Variants in ZDHHC13 observed in about 807,000 individuals in gnomAD.
The protein encoded by ZDHHC13 is palmitoyltransferase ZDHHC13.
A neutral mutation model predicts 86.0 loss-of-function variants in ZDHHC13; 85 were observed. That is an observed-to-expected ratio of 0.99 (90% CI 0.83 to 1.18). ZDHHC13 has a LOEUF of 1.18. ZDHHC13 is among the 50% of genes most tolerant of loss of function. The probability of loss-of-function intolerance (pLI) is 0.00; values close to 1 mark genes in which losing one functional copy is unlikely to be tolerated. For synonymous variants in ZDHHC13, 263 were observed against 246.4 expected, an observed-to-expected ratio of 1.07 and a Z score of -0.63; for missense variants, 711 against 730.2, an observed-to-expected ratio of 0.97 and a Z score of 0.30.
At position 19,164,391 on chromosome 11, in the gene ZDHHC13, G is replaced by A. The variant is rs192406950; in HGVS notation, c.1296+28G>A. On this transcript the variant is annotated intron_variant, in intron 12 of 16. Coordinates refer to ENST00000446113, the MANE Select transcript of ZDHHC13 (RefSeq NM_019028.3). ...GAGTTTTTTCATATAATTTTTTTCC[G>A]TAGTGAAAGCAAAGTCTTGGTAACG... is the stretch of plus-strand genomic sequence containing the variant. 355 of 1,602,634 alleles carry A rather than the reference G, an allele frequency of 2.2e-4. 5 individuals carry two copies. In the African/African-American group the frequency reaches 3.8e-3, roughly 17 times the overall value.
intron 1 of ZDHHC13, among the ~76,000 whole-genome samples, chr11:19,130,186 T>C (rs1477489569): frequency 6.6e-6 from 1 of 152,210 alleles, no homozygotes; most frequent in Non-Finnish European, 1.5e-5. Flanking sequence ...AATTAAGTTA[T>C]AGGGGTCTGA....
chr11:19,127,573 A>G (rs1031991774), intron 1 of ZDHHC13, among the ~76,000 whole-genome samples: 5 of 151,856 alleles, frequency 3.3e-5, no homozygotes, highest in African/African-American at 7.3e-5. Flanking sequence ...TAGGGTTTTT[A>G]TAGTTTTGGA....
chr11:19,144,854 GC>G (rs1220677625), intron 2 of ZDHHC13, among the ~76,000 whole-genome samples: 1 of 152,156 alleles, frequency 6.6e-6, no homozygotes, highest in Non-Finnish European at 1.5e-5. Context: ...GGTGGCTCAC[GC>G]CTGTAAGCCC....
At chr11:19,164,145 A>T in intron 11 of ZDHHC13, 156 bp from the exon 12 acceptor site, 1 of 672,188 alleles carries the variant, frequency 1.5e-6, no homozygotes, top group Non-Finnish European at 2.4e-6. Flanking sequence ...TTGAAGAGTC[A>T]CATCATTTCA....
At chr11:19,150,391 G>C (rs542468341) in intron 5 of ZDHHC13, among the ~76,000 whole-genome samples, 1 of 152,242 alleles carries the variant, frequency 6.6e-6, no homozygotes, top group Non-Finnish European at 1.5e-5. Flanking sequence ...GAATTAATGT[G>C]TCAACTAAGG....
chr11:19,169,815 C>G, intron 14 of ZDHHC13: 1 of 985,562 alleles, frequency 1.0e-6, no homozygotes, highest in Non-Finnish European at 1.2e-6. Flanking sequence ...CCATCTGAAT[C>G]TTGCTCTATA....
chr11:19,163,483 GT>G, intron 11 of ZDHHC13, 56 bp downstream of exon 11: 1 of 1,510,358 alleles, frequency 6.6e-7, no homozygotes, highest in Non-Finnish European at 8.8e-7. Context: ...ACTTTAGAAA[GT>G]TTATATGCAC....
intron 1 of ZDHHC13, among the ~76,000 whole-genome samples, chr11:19,132,546 G>A (rs1395002627): frequency 6.6e-6 from 1 of 152,142 alleles, no homozygotes; most frequent in East Asian, 1.9e-4. Flanking sequence ...TGGGCCTCCT[G>A]TACAGATTTT....
rs778533293 is a variant in ZDHHC13 at position 19,152,687 on chromosome 11, A to AT, written c.873+7dup. ...GGAGGTGGCTGCAGAAATGCGAGGTATTTTCATATGGGGTCTTTTCTATGG... is the reference window on the plus strand; with the variant it reads ...GGAGGTGGCTGCAGAAATGCGAGGTATTTTTCATATGGGGTCTTTTCTATGG... On this transcript the variant is annotated splice_donor_region_variant and intron_variant, in intron 8 of 16. Coordinates refer to ENST00000446113, the MANE Select transcript of ZDHHC13 (RefSeq NM_019028.3). 5.6e-6 allele frequency: 9 copies of AT among 1,612,586 alleles called. No homozygotes were observed. Among genetic ancestry groups the AT allele is most frequent in the Non-Finnish European group, 7.6e-6 (9 of 1,179,032 alleles).
intron 1 of ZDHHC13, among the ~76,000 whole-genome samples, chr11:19,138,037 C>G (rs528340491): frequency 0.016 from 2,385 of 150,268 alleles, 35 homozygotes; most frequent in African/African-American, 0.056. Context: ...CAAAAGCTAG[C>G]AGAAGGCAAG....
At position 19,163,317 on chromosome 11, in the gene ZDHHC13, C is replaced by A; in HGVS notation, c.1123C>A (p.Pro375Thr). The change falls in exon 11 of 17, where the codon CCT becomes ACT. Residue 375 changes from proline (P) to threonine (T), a missense_variant. Physicochemically the swap from Pro to Thr is conservative, Grantham distance 38. Coordinates refer to ENST00000446113, the MANE Select transcript of ZDHHC13 (RefSeq NM_019028.3). ...ILFFPDLAGA[P>T]FYFSFIFSIV... Reference sequence around the variant, plus strand: ...TTGGCTTTAACATTTAGCAGGAGCCCCTTTCTATTTCAGTTTCATTTTCAG... The same window carrying A: ...TTGGCTTTAACATTTAGCAGGAGCCACTTTCTATTTCAGTTTCATTTTCAG... 1 of 1,581,342 alleles carries A rather than the reference C, an allele frequency of 6.3e-7. No homozygotes were observed. Among genetic ancestry groups the A allele is most frequent in the Non-Finnish European group, 8.6e-7 (1 of 1,166,860 alleles).
rs750766885 is a variant in ZDHHC13, at chr11:19,166,360, C to T, written c.1449C>T (p.Gly483=). The stretch of plus-strand genomic sequence containing the variant: ...TGTTTTTCCTTTCCATGGTATGTGG[C>T]TGGATTATATATGGATCTTTCATCT... ...FFLFFLSMVC[G]WIIYGSFIYL... The change falls in exon 14 of 17, where the codon GGC becomes GGT. Residue 483 remains glycine, a synonymous_variant. Coordinates refer to ENST00000446113, the MANE Select transcript of ZDHHC13 (RefSeq NM_019028.3). 5.0e-6 allele frequency: 8 copies of T among 1,612,358 alleles called. No individual in the cohort carries two copies. In the South Asian group the frequency reaches 7.7e-5, roughly 16 times the overall value.
chr11:19,146,054 A>T, intron 2 of ZDHHC13, 127 bp from the exon 3 acceptor site: 2 of 997,146 alleles, frequency 2.0e-6, no homozygotes, highest in Non-Finnish European at 2.9e-6. Flanking sequence ...TGTCTTTGTT[A>T]ATTATTATAT....
chr11:19,168,298 A>C (rs1237760868), intron 14 of ZDHHC13: 1 of 152,194 alleles, frequency 6.6e-6, no homozygotes, highest in Non-Finnish European at 1.5e-5. Context: ...CAGAGTTTAC[A>C]CCACTCCTGC....
intron 10 of ZDHHC13, among the ~76,000 whole-genome samples, chr11:19,159,302 G>A (rs116248812): frequency 6.6e-6 from 1 of 151,942 alleles, no homozygotes; most frequent in African/African-American, 2.4e-5. Context: ...TGTTTTACTT[G>A]TACCATAATT....
At chr11:19,123,942 C>A (rs975607940) in intron 1 of ZDHHC13, among the ~76,000 whole-genome samples, 1 of 152,066 alleles carries the variant, frequency 6.6e-6, no homozygotes, top group Admixed American at 6.6e-5. Context: ...CACGTATATA[C>A]TTTGCTATTG....
In ZDHHC13 at chr11:19,166,280, GT is replaced by G. The variant is rs147406311; in HGVS notation, c.1391-14del. 1.6e-3 allele frequency: 2,559 copies of G among 1,579,226 alleles called. 85 individuals carry two copies. In the East Asian group the frequency reaches 0.054, roughly 34 times the overall value. Reference sequence around the variant, plus strand: ...CAGAAGAAACGAAAATATTAAGTATGTTTTTTTTCTTTTTTCTTGAGGTTTT... The same window carrying G: ...CAGAAGAAACGAAAATATTAAGTATGTTTTTTTCTTTTTTCTTGAGGTTTT... On this transcript the variant is annotated intron_variant, in intron 13 of 16. Transcript: ENST00000446113.
intron 14 of ZDHHC13, chr11:19,169,295 G>A: frequency 1.0e-6 from 1 of 985,426 alleles, no homozygotes; most frequent in Non-Finnish European, 1.2e-6. Flanking sequence ...CCATCCTAAT[G>A]AGATGCTCTA....
intron 2 of ZDHHC13, among the ~76,000 whole-genome samples, chr11:19,145,628 C>T (rs1283052614): frequency 1.3e-5 from 2 of 152,182 alleles, no homozygotes; most frequent in Non-Finnish European, 2.9e-5. Context: ...TTTCACATTG[C>T]TGATTTTTGT....
Sources: allele counts gnomAD v4.1 joint callset (sites outside exome capture counted in the v4.1 genomes callset), GRCh38; gene constraint gnomAD v4.1.1; transcripts MANE v1.5; gene names NCBI Gene and HGNC (gene_info 2026-07-23, HGNC 2026-07-21).